PRKD3: variants seen among roughly 807,000 people sequenced by gnomAD.
PRKD3 encodes the protein protein kinase D3, also known as serine/threonine-protein kinase D3.
Under a neutral mutation model 99.2 loss-of-function variants are expected in PRKD3, and 47 were observed. The ratio of observed to expected loss-of-function variants is 0.47; its 90% confidence interval spans 0.38 to 0.60. The LOEUF (loss-of-function observed/expected upper bound fraction) is 0.60. Among genes scored for constraint, PRKD3 ranks in the 20% least tolerant of loss-of-function variants. PRKD3 has a pLI of 0.00. For missense variants in PRKD3, 1,019 were observed against 1,088.4 expected (o/e 0.94, Z 0.90); for synonymous variants, 392 against 355.4 (o/e 1.10, Z -1.16).
chr2:37,300,131 A>G, intron 2 of PRKD3, among the ~76,000 whole-genome samples: 1 of 152,234 alleles, frequency 6.6e-6, no homozygotes, highest in East Asian at 1.9e-4. Flanking sequence ...AGTGTCCATC[A>G]ATGGATAAAT....
intron 6 of PRKD3, among the ~76,000 whole-genome samples, chr2:37,284,664 A>G (rs1361257152): frequency 6.6e-6 from 1 of 152,248 alleles, no homozygotes; most frequent in Non-Finnish European, 1.5e-5. Flanking sequence ...AGCTGTTGAA[A>G]TAAAATTTCA....
At chr2:37,276,807 T>C (rs960449678) in intron 9 of PRKD3, among the ~76,000 whole-genome samples, 14 of 146,816 alleles carry the variant, frequency 9.5e-5, no homozygotes, top group Non-Finnish European at 1.5e-4. Context: ...CACACACACA[T>C]ACACATATAT....
intron 2 of PRKD3, among the ~76,000 whole-genome samples, chr2:37,304,372 T>C (rs892906241): frequency 1.3e-5 from 2 of 152,164 alleles, no homozygotes; most frequent in Admixed American, 1.3e-4. Flanking sequence ...CTGAGTCAAT[T>C]AGAAAATGAC....
Position 37,274,434 on chromosome 2 carries a change from T to G in PRKD3, c.1638A>C (p.Gln546His), listed in dbSNP as rs766991557. 1.2e-6 allele frequency: 2 copies of G among 1,614,142 alleles called. No homozygotes were observed. Among genetic ancestry groups the G allele is most frequent in the Non-Finnish European group, 1.7e-6 (2 of 1,179,986 alleles). Reference sequence around the variant, plus strand: ...TTTATTGCTTACTGTGATCTTTCCCTTGCCCTGGAGAAGTGCAAACACTTG... The same window carrying G: ...TTTATTGCTTACTGTGATCTTTCCCGTGCCCTGGAGAAGTGCAAACACTTG... ...PQASVCTSPG[Q>H]GKDHKDLSTS... Residue 546 changes from glutamine to histidine, a missense_variant, in exon 11 of 19, where the codon CAA becomes CAC. This residue lies in a region of PRKD3 where 710 missense variants were observed against 692.7 expected (regional missense o/e 1.02). Coordinates refer to ENST00000234179, the MANE Select transcript of PRKD3 (RefSeq NM_005813.6).
At position 37,275,094 on chromosome 2, in the gene PRKD3, C is replaced by G. The variant is rs906010438; in HGVS notation, c.1375-397G>C. Among the ~76,000 whole-genome samples, 3 of 152,032 alleles carry G rather than the reference C, an allele frequency of 2.0e-5. 1 individual carries two copies. The highest frequency in any genetic ancestry group is 4.4e-5 in the Non-Finnish European group (3 of 68,008). The stretch of plus-strand genomic sequence containing the variant: ...GAAGCAGAAATAATGGCAGAAAAAG[C>G]AGAATCTTGGTCAGTTGTTTAAGCC... On this transcript the variant is annotated intron_variant, in intron 10 of 18. Coordinates refer to ENST00000234179, the MANE Select transcript of PRKD3 (RefSeq NM_005813.6).
chr2:37,257,064 A>G, intron 16 of PRKD3, 135 bp from the exon 17 acceptor site: 1 of 1,006,940 alleles, frequency 9.9e-7, no homozygotes, highest in Non-Finnish European at 1.4e-6. Flanking sequence ...ATCACAGATA[A>G]GGAAATTGTA....
At chr2:37,297,590 T>C (rs1670730193) in intron 2 of PRKD3, among the ~76,000 whole-genome samples, 2 of 152,220 alleles carry the variant, frequency 1.3e-5, no homozygotes, top group African/African-American at 2.4e-5. Context: ...CACCTTTAAC[T>C]GTTATGTCCC....
intron 2 of PRKD3, among the ~76,000 whole-genome samples, chr2:37,301,449 T>G (rs1670926942): frequency 1.3e-5 from 2 of 152,144 alleles, no homozygotes; most frequent in Admixed American, 6.5e-5. Flanking sequence ...ATTACATTTT[T>G]TTTTTTTGAG....
chr2:37,263,259 C>T (rs1668602580), intron 14 of PRKD3, among the ~76,000 whole-genome samples: 1 of 152,128 alleles, frequency 6.6e-6, no homozygotes, highest in African/African-American at 2.4e-5. Context: ...TTTGATTTCG[C>T]TCTTTGATTC....
chr2:37,303,293 C>G (rs1314127378), intron 2 of PRKD3, among the ~76,000 whole-genome samples: 1 of 152,108 alleles, frequency 6.6e-6, no homozygotes, highest in African/African-American at 2.4e-5. Context: ...TCTCATTGTT[C>G]TTAGATGCCA....
chr2:37,293,756 A>C (rs1468282788), intron 2 of PRKD3, among the ~76,000 whole-genome samples: 1 of 152,234 alleles, frequency 6.6e-6, no homozygotes, highest in Non-Finnish European at 1.5e-5. Context: ...CAAATGGTCT[A>C]ATATGAATCA....
intron 1 of PRKD3, among the ~76,000 whole-genome samples, chr2:37,319,994 C>T (rs1440290018): frequency 1.3e-5 from 2 of 152,184 alleles, no homozygotes; most frequent in Admixed American, 6.5e-5. Flanking sequence ...GTAACAACAC[C>T]TGGCTAACAG....
intron 2 of PRKD3, among the ~76,000 whole-genome samples, chr2:37,294,118 T>C (rs1480344262): frequency 6.6e-6 from 1 of 152,182 alleles, no homozygotes; most frequent in African/African-American, 2.4e-5. Flanking sequence ...TTTTTTGAGA[T>C]AGGGTCTTGT....
At chr2:37,292,804 CCTGG>C (rs1440056070) in intron 3 of PRKD3, among the ~76,000 whole-genome samples, 2 of 151,816 alleles carry the variant, frequency 1.3e-5, no homozygotes, top group Non-Finnish European at 2.9e-5. Context: ...TGTGACCATG[CCTGG>C]CTAATTTTTT....
At chr2:37,295,360 T>C (rs1201611909) in intron 2 of PRKD3, among the ~76,000 whole-genome samples, 1 of 152,172 alleles carries the variant, frequency 6.6e-6, no homozygotes, top group Admixed American at 6.5e-5. Flanking sequence ...TTCAGTATGA[T>C]ACTTGAGCAG....
chr2:37,262,911 G>C (rs1668578473), intron 14 of PRKD3, among the ~76,000 whole-genome samples: 1 of 147,188 alleles, frequency 6.8e-6, no homozygotes, highest in Non-Finnish European at 1.5e-5. Context: ...CCCCGTATTT[G>C]TGGTTATCTC....
At chr2:37,309,802 C>T (rs981552501) in intron 2 of PRKD3, among the ~76,000 whole-genome samples, 14 of 143,854 alleles carry the variant, frequency 9.7e-5, no homozygotes, top group Middle Eastern at 3.8e-3. Flanking sequence ...GAGCCGAGAT[C>T]GCGCCACTGC....
intron 2 of PRKD3, among the ~76,000 whole-genome samples, chr2:37,311,746 A>G (rs1361864441): frequency 6.6e-6 from 1 of 152,158 alleles, no homozygotes; most frequent in Non-Finnish European, 1.5e-5. Flanking sequence ...GTATCTTCAG[A>G]TTGTTACTTA....
chr2:37,275,658 C>T, intron 10 of PRKD3, 109 bp downstream of exon 10: 1 of 1,189,908 alleles, frequency 8.4e-7, no homozygotes, highest in Non-Finnish European at 1.1e-6. Flanking sequence ...CTTCTATAAA[C>T]CATACTAGCT....
Sources: allele counts gnomAD v4.1 joint callset (sites outside exome capture counted in the v4.1 genomes callset), GRCh38; gene constraint gnomAD v4.1.1; regional missense constraint gnomAD v4.1.1; transcripts MANE v1.5; gene names NCBI Gene and HGNC (gene_info 2026-07-23, HGNC 2026-07-21).